The following DNAH11 variants were observed in gnomAD, a reference collection of about 807,000 sequenced individuals.
The protein encoded by DNAH11 is axonemal beta dynein heavy chain 11.
Under a neutral mutation model 526.0 loss-of-function variants are expected in DNAH11, and 442 were observed. The observed-to-expected ratio is 0.84, with a 90% CI of 0.78 to 0.91. DNAH11 has a LOEUF of 0.91. Ranked by LOEUF, DNAH11 falls within the 40% of genes least tolerant of loss-of-function variation. DNAH11 has a pLI of 0.00. For synonymous variants in DNAH11, 2,461 were observed against 1,935.9 expected (o/e 1.27, Z -7.12); for missense variants, 6,989 against 5,448.7 (o/e 1.28, Z -8.90).
chr7:21,652,176 G>A (rs1781806099), intron 28 of DNAH11, among the ~76,000 whole-genome samples: 1 of 152,170 alleles, frequency 6.6e-6, no homozygotes, highest in Non-Finnish European at 1.5e-5. Context: ...GGAACTTAGT[G>A]AAGATAAACT....
intron 65 of DNAH11, among the ~76,000 whole-genome samples, chr7:21,829,343 T>C (rs779983491): frequency 6.6e-6 from 1 of 152,062 alleles, no homozygotes; most frequent in Non-Finnish European, 1.5e-5. Flanking sequence ...GAATTTCTCC[T>C]ATTCAGAGAA....
rs1454338210 is a variant in DNAH11, at chr7:21,748,749, C to G, written c.8673+7C>G. 5.6e-6 allele frequency: 9 copies of G among 1,611,364 alleles called. No homozygotes were observed. Among genetic ancestry groups the G allele is most frequent in the Non-Finnish European group, 7.6e-6 (9 of 1,178,502 alleles). On this transcript the variant is annotated splice_region_variant and intron_variant, in intron 52 of 81. Transcript: ENST00000409508. ...TGGAATCCAGGAACTTCGGGTGAGT[C>G]AAGGGGACAGGCAGTTCTTCTGACC...
intron 28 of DNAH11, among the ~76,000 whole-genome samples, chr7:21,654,308 T>C (rs191114148): frequency 1.2e-3 from 189 of 152,324 alleles, no homozygotes; most frequent in African/African-American, 4.5e-3. Context: ...CTTGTGGATA[T>C]TTCATATAAA....
At chr7:21,874,334 T>TTTTG (rs10682069) in intron 74 of DNAH11, among the ~76,000 whole-genome samples, 97,068 of 151,240 alleles carry the variant, frequency 0.64, 31,735 homozygotes, top group Non-Finnish European at 0.7. Context: ...CATGGTTTTT[T>TTTTG]TTTGTTTTTG....
At chr7:21,898,367 G>C (rs569110556) in intron 79 of DNAH11, among the ~76,000 whole-genome samples, 1 of 152,290 alleles carries the variant, frequency 6.6e-6, no homozygotes, top group Admixed American at 6.5e-5. Context: ...TGAGCATTCT[G>C]AGCCTTTTCT....
rs766697237 is a variant in DNAH11, at chr7:21,735,828, A to G, written c.7629A>G (p.Thr2543=). ...VSRVPFNYYT[T]STALQKILEK... is the part of the protein sequence containing the mutation. Reference sequence around the variant, plus strand: ...GTGTGCCTTTCAACTACTACACGACATCCACAGCTCTGCAAAGTAAGTGCA... The same window carrying G: ...GTGTGCCTTTCAACTACTACACGACGTCCACAGCTCTGCAAAGTAAGTGCA... The change falls in exon 46 of 82, where the codon ACA becomes ACG. Residue 2543 remains threonine (T), a synonymous_variant. Transcript: ENST00000409508. 10 of 1,609,676 alleles carry G rather than the reference A, an allele frequency of 6.2e-6. No homozygotes were observed. The Admixed American group carries it at 1.5e-4, about 24-fold the overall frequency.
chr7:21,543,178 C>T lies in DNAH11; in HGVS notation c.-68C>T. 3 of 1,447,904 alleles carry T rather than the reference C, an allele frequency of 2.1e-6. No homozygotes were observed. The highest frequency in any genetic ancestry group is 2.7e-6 in the Non-Finnish European group (3 of 1,106,890). The allele number at this position is 1,447,904 out of a possible 1,614,324, so 89.7% of individuals were successfully genotyped here. Reference sequence around the variant, plus strand: ...GGGCGCCTGCGGAGGTGTCCTCGCTCACTTCGGGGGGCCCAGAGTCTCGGG... The same window carrying T: ...GGGCGCCTGCGGAGGTGTCCTCGCTTACTTCGGGGGGCCCAGAGTCTCGGG... On this transcript the variant is annotated 5_prime_UTR_variant, in exon 1 of 82. Transcript: ENST00000409508.
chr7:21,895,015 C>G lies in DNAH11; in HGVS notation c.13049+16C>G, dbSNP rs1784458738. The G allele has an allele frequency of 1.9e-6, 3 of 1,603,260 alleles. No individual in the cohort carries two copies. Among genetic ancestry groups the G allele is most frequent in the African/African-American group, 1.3e-5 (1 of 74,720 alleles). ...TAGCCCAGTGGTAAGCTACCCCATC[C>G]TCACTGCCACTGGCCCTGAGCAGCC... On this transcript the variant is annotated intron_variant, in intron 79 of 81. Coordinates refer to ENST00000409508, the MANE Select transcript of DNAH11 (RefSeq NM_001277115.2).
chr7:21,859,583 T>A (rs1782978246), intron 68 of DNAH11, among the ~76,000 whole-genome samples: 1 of 152,238 alleles, frequency 6.6e-6, no homozygotes. Context: ...TACCAATGTT[T>A]ACTGTATATA....
chr7:21,733,785 T>C (rs1785488856), intron 45 of DNAH11, among the ~76,000 whole-genome samples: 1 of 152,174 alleles, frequency 6.6e-6, no homozygotes, highest in East Asian at 1.9e-4. Flanking sequence ...CTGAGTGCTG[T>C]ACGTAATGCA....
intron 7 of DNAH11, among the ~76,000 whole-genome samples, chr7:21,571,518 G>A (rs1783888392): frequency 6.6e-6 from 1 of 152,080 alleles, no homozygotes; most frequent in African/African-American, 2.4e-5. Flanking sequence ...GGGCATAAGC[G>A]ATCCTCCTGC....
Position 21,588,174 on chromosome 7 carries a change from G to T in DNAH11, c.1821G>T (p.Lys607Asn). 6.2e-7 allele frequency: 1 copy of T among 1,612,988 alleles called. No homozygotes were observed. Among genetic ancestry groups the T allele is most frequent in the South Asian group, 1.1e-5 (1 of 90,888 alleles). ...HMFNTELDVC[K>N]QLYNEHMKQI... ...TTAATACAGAGCTGGATGTGTGTAA[G>T]CAACTGTATAATGAACACATGAAAC... The change falls in exon 10 of 82, where the codon AAG becomes AAT. Residue 607 changes from lysine (K) to asparagine (N), a missense_variant. Transcript: ENST00000409508.
chr7:21,853,564 A>G lies in DNAH11; in HGVS notation c.11062-751A>G, dbSNP rs376060123. Reference sequence around the variant, plus strand: ...GTAGTGACTTCCTTCTCTGCCCTACATTTTATTTCCTTTTATACACAAATA... The same window carrying G: ...GTAGTGACTTCCTTCTCTGCCCTACGTTTTATTTCCTTTTATACACAAATA... On this transcript the variant is annotated intron_variant, in intron 67 of 81. Transcript: ENST00000409508. Among the ~76,000 whole-genome samples the G allele has an allele frequency of 5.3e-5, 8 of 152,284 alleles. 1 individual carries two copies. Among genetic ancestry groups the G allele is most frequent in the African/African-American group, 1.9e-4 (8 of 41,554 alleles).
chr7:21,899,939 C>CAACACTT, intron 80 of DNAH11, 41 bp from the exon 81 acceptor site: 3 of 1,604,742 alleles, frequency 1.9e-6, no homozygotes, highest in Non-Finnish European at 2.6e-6. Context: ...ACCTTACATG[C>CAACACTT]AACACTTTTA....
At chr7:21,856,400 C>G (rs2128026882) in intron 68 of DNAH11, among the ~76,000 whole-genome samples, 1 of 152,210 alleles carries the variant, frequency 6.6e-6, no homozygotes, top group South Asian at 2.1e-4. Flanking sequence ...AACTAGTATG[C>G]AAAACTTCTA....
chr7:21,699,522 G>A (rs1783979156), intron 36 of DNAH11, among the ~76,000 whole-genome samples: 2 of 152,042 alleles, frequency 1.3e-5, no homozygotes, highest in South Asian at 2.1e-4. Flanking sequence ...TTACTGCCAC[G>A]TATTTATTTT....
intron 65 of DNAH11, among the ~76,000 whole-genome samples, chr7:21,832,242 G>T (rs748102275): frequency 3.9e-5 from 6 of 152,104 alleles, no homozygotes; most frequent in African/African-American, 1.2e-4. Flanking sequence ...TGGTTGTTTT[G>T]CCTGTTAGTT....
At chr7:21,631,613 C>T (rs1786612533) in intron 25 of DNAH11, among the ~76,000 whole-genome samples, 1 of 152,204 alleles carries the variant, frequency 6.6e-6, no homozygotes, top group African/African-American at 2.4e-5. Context: ...GCGGGGCAGT[C>T]AAATCTTAAA....
At chr7:21,762,257 A>G (rs552790583) in intron 54 of DNAH11, among the ~76,000 whole-genome samples, 1 of 152,312 alleles carries the variant, frequency 6.6e-6, no homozygotes, top group East Asian at 1.9e-4. Context: ...ACTCAGGGAA[A>G]GCATTTTTGC....
Sources: gnomAD v4.1 joint callset for allele counts (sites outside exome capture counted in the v4.1 genomes callset) on GRCh38, gnomAD v4.1.1 for gene constraint, MANE v1.5 for transcripts, NCBI Gene and HGNC (gene_info 2026-07-23, HGNC 2026-07-21) for gene names.